INPP4B: variants seen among roughly 807,000 people sequenced by gnomAD.
INPP4B encodes the protein inositol polyphosphate 4-phosphatase type II.
Under a neutral mutation model 122.5 loss-of-function variants are expected in INPP4B, and 55 were observed. The observed-to-expected ratio is 0.45, with a 90% CI of 0.36 to 0.56. The LOEUF (loss-of-function observed/expected upper bound fraction) is 0.56. Ranked by LOEUF, INPP4B falls within the 20% of genes least tolerant of loss-of-function variation. The pLI is 0.00. For synonymous variants in INPP4B, 403 were observed against 388.7 expected (o/e 1.04, Z -0.43); for missense variants, 1,000 against 1,097.7 (o/e 0.91, Z 1.26).
At chr4:142,825,246 G>C (rs908911255) in intron 1 of INPP4B, among the ~76,000 whole-genome samples, 1 of 152,090 alleles carries the variant, frequency 6.6e-6, no homozygotes, top group Non-Finnish European at 1.5e-5. Context: ...TATAATGTAA[G>C]TATTGATAAT....
In INPP4B at chr4:142,574,727, T is replaced by G. The variant is rs1014941046; in HGVS notation, c.-190-112001A>C. On this transcript the variant is annotated intron_variant, in intron 2 of 25. Coordinates refer to ENST00000262992, the MANE Select transcript of INPP4B (RefSeq NM_001101669.3). ...TAAGAATTCAGCAAGTTTTCTCATA[T>G]CGCCATAATAACTAGTGCATGCTTC... Among the ~76,000 whole-genome samples, 4 of 152,110 alleles carry G rather than the reference T, an allele frequency of 2.6e-5. No individual in the cohort carries two copies. In the East Asian group the frequency reaches 5.8e-4, roughly 22 times the overall value.
At chr4:142,096,035 T>C (rs186430657) in intron 23 of INPP4B, 4 of 152,352 alleles carry the variant, frequency 2.6e-5, no homozygotes, top group Non-Finnish European at 5.9e-5. Context: ...GTAATTATTC[T>C]CATTTGGCTG....
At chr4:142,054,934 A>G (rs1032462054) in intron 25 of INPP4B, among the ~76,000 whole-genome samples, 1 of 152,112 alleles carries the variant, frequency 6.6e-6, no homozygotes, top group Non-Finnish European at 1.5e-5. Context: ...CTGCTTTAAA[A>G]TCAGTCAATT....
chr4:142,056,519 C>G (rs909648254), intron 25 of INPP4B, among the ~76,000 whole-genome samples: 4 of 151,912 alleles, frequency 2.6e-5, no homozygotes, highest in Non-Finnish European at 5.9e-5. Context: ...TGTTGTGGTA[C>G]CTGGAAACAT....
intron 12 of INPP4B, among the ~76,000 whole-genome samples, chr4:142,218,708 C>T (rs1281391417): frequency 6.6e-6 from 1 of 152,078 alleles, no homozygotes; most frequent in Non-Finnish European, 1.5e-5. Context: ...AGTTATTACA[C>T]AGTAAAACTA....
intron 23 of INPP4B, among the ~76,000 whole-genome samples, chr4:142,104,312 C>T (rs939926553): frequency 7.9e-5 from 12 of 152,082 alleles, no homozygotes; most frequent in African/African-American, 2.9e-4. Flanking sequence ...GATTTACAGA[C>T]GTACTATTTT....
At position 142,554,649 on chromosome 4, in the gene INPP4B, G is replaced by A. The variant is rs190394885; in HGVS notation, c.-190-91923C>T. On this transcript the variant is annotated intron_variant, in intron 2 of 25. Coordinates refer to ENST00000262992, the MANE Select transcript of INPP4B (RefSeq NM_001101669.3). ...TCTACCCACTCTGAACCTTAAACTA[G>A]TGTCTTTGTGTTTTCAACCTCACTA... Among the ~76,000 whole-genome samples, 57 of 152,244 alleles carry A rather than the reference G, an allele frequency of 3.7e-4. 1 individual carries two copies. Among genetic ancestry groups the A allele is most frequent in the Admixed American group, 3.7e-3 (56 of 15,304 alleles).
At chr4:142,405,159 AAGAGAGAGAG>A (rs3076598) in intron 6 of INPP4B, 37 bp downstream of exon 6, 4 of 969,566 alleles carry the variant, frequency 4.1e-6, no homozygotes, top group Middle Eastern at 2.8e-4. Flanking sequence ...GCGAGCCAGC[AAGAGAGAGAG>A]AGAGAGAGAG....
chr4:142,646,161 G>A (rs1405491924), intron 2 of INPP4B, among the ~76,000 whole-genome samples: 6 of 152,098 alleles, frequency 3.9e-5, no homozygotes, highest in Admixed American at 3.9e-4. Context: ...AAAACCACTG[G>A]ATGGTATTTT....
At chr4:142,481,861 T>C (rs1379802863) in intron 2 of INPP4B, among the ~76,000 whole-genome samples, 1 of 152,182 alleles carries the variant, frequency 6.6e-6, no homozygotes, top group Non-Finnish European at 1.5e-5. Context: ...ATGTACCTAG[T>C]GTTAATAAGG....
intron 11 of INPP4B, among the ~76,000 whole-genome samples, chr4:142,256,782 A>G (rs986146289): frequency 6.6e-5 from 10 of 152,224 alleles, no homozygotes; most frequent in Non-Finnish European, 1.5e-4. Context: ...ATGTACAAGG[A>G]GGAACTGGTA....
intron 7 of INPP4B, among the ~76,000 whole-genome samples, chr4:142,331,215 A>T (rs1023857112): frequency 6.6e-6 from 1 of 152,172 alleles, no homozygotes; most frequent in African/African-American, 2.4e-5. Context: ...TCATAGTGCA[A>T]GCAATTTCTG....
intron 1 of INPP4B, among the ~76,000 whole-genome samples, chr4:142,747,122 A>G (rs1173774192): frequency 6.6e-6 from 1 of 152,212 alleles, no homozygotes; most frequent in East Asian, 1.9e-4. Context: ...CAATCTATCC[A>G]TCTGACAAAG....
chr4:142,224,057 C>T (rs28635843), intron 12 of INPP4B, among the ~76,000 whole-genome samples: 1,624 of 152,166 alleles, frequency 0.011, 33 homozygotes, highest in African/African-American at 0.037. Flanking sequence ...TATTCAAATG[C>T]CAACAGACAT....
At chr4:142,464,531 G>T (rs900284966) in intron 2 of INPP4B, among the ~76,000 whole-genome samples, 4 of 151,512 alleles carry the variant, frequency 2.6e-5, no homozygotes, top group Non-Finnish European at 4.4e-5. Context: ...TTTAATTTGG[G>T]GAAAAAAAAT....
At chr4:142,801,995 T>TA (rs1778059898) in intron 1 of INPP4B, among the ~76,000 whole-genome samples, 1 of 152,010 alleles carries the variant, frequency 6.6e-6, no homozygotes, top group African/African-American at 2.4e-5. Context: ...ACATACAGAT[T>TA]AAAAAAGACT....
chr4:142,225,395 C>A (rs1411383963), intron 12 of INPP4B, among the ~76,000 whole-genome samples: 1 of 151,998 alleles, frequency 6.6e-6, no homozygotes, highest in Admixed American at 6.6e-5. Flanking sequence ...CCTCAATTTG[C>A]AGACAGCCTA....
chr4:142,213,611 A>C (rs1184945820), intron 12 of INPP4B, among the ~76,000 whole-genome samples: 1 of 151,772 alleles, frequency 6.6e-6, no homozygotes, highest in Non-Finnish European at 1.5e-5. Flanking sequence ...GATTGTGCTC[A>C]CTCCTACAAC....
intron 5 of INPP4B, chr4:142,423,854 C>T (rs541568915): frequency 4.7e-6 from 2 of 425,998 alleles, no homozygotes; most frequent in South Asian, 1.7e-5. Context: ...TTTTTATGTA[C>T]TTACCACTCT....
Sources: gnomAD v4.1 joint callset for allele counts (sites outside exome capture counted in the v4.1 genomes callset) on GRCh38, gnomAD v4.1.1 for gene constraint, MANE v1.5 for transcripts, NCBI Gene and HGNC (gene_info 2026-07-23, HGNC 2026-07-21) for gene names.